DNER: variants seen among roughly 807,000 people sequenced by gnomAD.
DNER encodes delta/notch like EGF repeat containing.
In DNER, 33 loss-of-function variants were observed where a neutral mutation model predicts 78.2. That is an observed-to-expected ratio of 0.42 (90% confidence interval 0.32 to 0.56). The LOEUF is 0.56. Ranked by LOEUF, DNER falls within the 20% of genes least tolerant of loss-of-function variation. The pLI is 0.11. For synonymous variants in DNER, 417 were observed against 384.8 expected (o/e 1.08, Z -0.98); for missense variants, 918 against 975.3 (o/e 0.94, Z 0.78).
At chr2:229,678,587 C>A (rs576095580) in intron 1 of DNER, among the ~76,000 whole-genome samples, 2 of 152,290 alleles carry the variant, frequency 1.3e-5, no homozygotes, top group South Asian at 2.1e-4. Flanking sequence ...CAGTAATAAC[C>A]AATTTGTGTG....
At chr2:229,393,837 A>G (rs1693072274) in intron 10 of DNER, among the ~76,000 whole-genome samples, 2 of 151,922 alleles carry the variant, frequency 1.3e-5, no homozygotes, top group Admixed American at 1.3e-4. Flanking sequence ...ACAGAGCGAG[A>G]CTCCGTCTCA....
At chr2:229,577,337 A>C (rs888534167) in intron 4 of DNER, among the ~76,000 whole-genome samples, 2 of 152,126 alleles carry the variant, frequency 1.3e-5, no homozygotes, top group Non-Finnish European at 2.9e-5. Flanking sequence ...ACATTATGAG[A>C]ATGAAAGGGG....
chr2:229,527,700 G>T (rs1227411917), intron 5 of DNER, among the ~76,000 whole-genome samples: 1 of 152,062 alleles, frequency 6.6e-6, no homozygotes, highest in Non-Finnish European at 1.5e-5. Flanking sequence ...AGAATGTTTT[G>T]TTCAAAAGCA....
chr2:229,432,465 A>T (rs1237564258), intron 8 of DNER, among the ~76,000 whole-genome samples: 1 of 152,266 alleles, frequency 6.6e-6, no homozygotes, highest in Non-Finnish European at 1.5e-5. Flanking sequence ...ACAAGTATGC[A>T]TACTAACAAA....
intron 1 of DNER, among the ~76,000 whole-genome samples, chr2:229,698,308 G>C (rs916950238): frequency 6.6e-5 from 10 of 152,160 alleles, no homozygotes; most frequent in African/African-American, 2.2e-4. Flanking sequence ...TACCCTGCTG[G>C]TCTCCATTTC....
intron 9 of DNER, 67 bp downstream of exon 9, chr2:229,418,041 T>C (rs1261972338): frequency 6.2e-7 from 1 of 1,611,510 alleles, no homozygotes; most frequent in African/African-American, 1.3e-5. Flanking sequence ...GTTTATGCAT[T>C]TACACTGAGA....
intron 1 of DNER, among the ~76,000 whole-genome samples, chr2:229,671,357 T>C (rs1699204993): frequency 1.3e-5 from 2 of 152,244 alleles, no homozygotes; most frequent in African/African-American, 4.8e-5. Flanking sequence ...TTCCTCCTGC[T>C]GTTCCTCCAA....
At chr2:229,573,380 A>G (rs1697248425) in intron 4 of DNER, among the ~76,000 whole-genome samples, 1 of 152,180 alleles carries the variant, frequency 6.6e-6, no homozygotes, top group South Asian at 2.1e-4. Flanking sequence ...ATTCTTCAAA[A>G]ACTAGACAAT....
chr2:229,383,359 G>A (rs914901794), intron 11 of DNER, among the ~76,000 whole-genome samples: 2 of 152,064 alleles, frequency 1.3e-5, no homozygotes, highest in South Asian at 2.1e-4. Context: ...ATCAACTAAC[G>A]GGCAAAATAA....
At chr2:229,482,383 C>T (rs1206639913) in intron 6 of DNER, among the ~76,000 whole-genome samples, 1 of 152,174 alleles carries the variant, frequency 6.6e-6, no homozygotes, top group African/African-American at 2.4e-5. Flanking sequence ...TATCCTATTA[C>T]TCCTTACTTA....
At chr2:229,527,551 C>A (rs866113741) in intron 5 of DNER, among the ~76,000 whole-genome samples, 1 of 152,190 alleles carries the variant, frequency 6.6e-6, no homozygotes, top group South Asian at 2.1e-4. Flanking sequence ...ATCCAGGCAG[C>A]CTGCCAGGCT....
At chr2:229,397,373 C>T (rs180979090) in intron 10 of DNER, among the ~76,000 whole-genome samples, 100 of 149,844 alleles carry the variant, frequency 6.7e-4, no homozygotes, top group African/African-American at 2.3e-3. Context: ...CCACGAAAGC[C>T]TGTTCTCTGT....
intron 4 of DNER, among the ~76,000 whole-genome samples, chr2:229,565,628 G>C (rs1253361312): frequency 3.9e-5 from 6 of 152,144 alleles, no homozygotes; most frequent in Non-Finnish European, 8.8e-5. Flanking sequence ...AAATTTACAA[G>C]TAGAGCTGTC....
At chr2:229,628,055 C>T (rs1698375038) in intron 1 of DNER, among the ~76,000 whole-genome samples, 1 of 152,188 alleles carries the variant, frequency 6.6e-6, no homozygotes, top group Admixed American at 6.5e-5. Flanking sequence ...ACCATCATGC[C>T]AGGTCCAGGA....
rs138508153 is a variant in DNER, at chr2:229,624,384, C to A, written c.277-32496G>T. ...CAGGAAATATTCTGCAGCAAGACAC[C>A]TACTAGAAAAATACTAAAGGAACCT... On this transcript the variant is annotated intron_variant, in intron 1 of 12. Coordinates refer to ENST00000341772, the MANE Select transcript of DNER (RefSeq NM_139072.4). 1.0e-3 allele frequency among the ~76,000 whole-genome samples: 155 copies of A among 152,208 alleles called. 1 individual carries two copies. The East Asian group carries it at 0.018, about 18-fold the overall frequency.
chr2:229,492,503 C>T (rs948821075), intron 6 of DNER, among the ~76,000 whole-genome samples: 1 of 152,178 alleles, frequency 6.6e-6, no homozygotes, highest in Non-Finnish European at 1.5e-5. Flanking sequence ...CACTCTTTGA[C>T]TCAAAGATGG....
chr2:229,406,131 G>A (rs1574828855), intron 10 of DNER, among the ~76,000 whole-genome samples: 1 of 152,180 alleles, frequency 6.6e-6, no homozygotes, highest in Non-Finnish European at 1.5e-5. Context: ...CACAGATGAG[G>A]CTCCCCTGGG....
intron 4 of DNER, among the ~76,000 whole-genome samples, chr2:229,557,038 G>C (rs374336257): frequency 6.6e-6 from 1 of 152,180 alleles, no homozygotes; most frequent in African/African-American, 2.4e-5. Flanking sequence ...TCATCAAACT[G>C]CAGCTGGGTC....
At position 229,547,045 on chromosome 2, in the gene DNER, T is replaced by C; in HGVS notation, c.895A>G (p.Thr299Ala). ...VTKSIVALRLTLVVKVSTCVP... is the reference protein window; with the variant it reads ...VTKSIVALRLALVVKVSTCVP... ...CAGGTGCTGACCTTCACCACCAGAG[T>C]TAAGCGCAAAGCCACAATAGACTTA... Residue 299 changes from threonine to alanine, a missense_variant, in exon 5 of 13, where the codon ACT becomes GCT. By Grantham distance (58) the Thr-to-Ala change is moderately conservative (BLOSUM62 0). Coordinates refer to ENST00000341772, the MANE Select transcript of DNER (RefSeq NM_139072.4). The C allele has an allele frequency of 1.2e-6, 2 of 1,614,010 alleles. No individual in the cohort carries two copies. The highest frequency in any genetic ancestry group is 2.2e-5 in the South Asian group (2 of 91,078).
Sources: gnomAD v4.1 joint callset for allele counts (sites outside exome capture counted in the v4.1 genomes callset) on GRCh38, gnomAD v4.1.1 for gene constraint, MANE v1.5 for transcripts, NCBI Gene and HGNC (gene_info 2026-07-23, HGNC 2026-07-21) for gene names.